Variants in RIMKLB observed in about 807,000 individuals in gnomAD.
RIMKLB encodes the protein beta-citrylglutamate synthase B.
In RIMKLB, 7 loss-of-function variants were observed where a neutral mutation model predicts 32.0. That is an observed-to-expected ratio of 0.22 (90% confidence interval 0.12 to 0.41). The LOEUF is 0.41. Among genes scored for constraint, RIMKLB ranks in the 10% least tolerant of loss-of-function variants. The pLI is 1.00. For synonymous variants in RIMKLB, 172 were observed against 185.1 expected (o/e 0.93, Z 0.57); for missense variants, 289 against 498.7 (o/e 0.58, Z 4.00).
intron 2 of RIMKLB, among the ~76,000 whole-genome samples, chr12:8,716,931 T>C (rs1388192228): frequency 6.6e-6 from 1 of 151,560 alleles, no homozygotes; most frequent in Non-Finnish European, 1.5e-5. Context: ...TTTTATCATC[T>C]TAATATTGTT....
At chr12:8,709,793 A>G (rs1484244958) in intron 1 of RIMKLB, among the ~76,000 whole-genome samples, 1 of 152,218 alleles carries the variant, frequency 6.6e-6, no homozygotes, top group Non-Finnish European at 1.5e-5. Context: ...TATTGTTATA[A>G]TTGTTCTATT....
chr12:8,726,297 A>G lies in RIMKLB; in HGVS notation c.175+12256A>G, dbSNP rs138751862. Reference sequence around the variant, plus strand: ...TTAAAATGTGCAGTTACCTGAAGACATGACATGAAGCACTTTTTCGTATAC... The same window carrying G: ...TTAAAATGTGCAGTTACCTGAAGACGTGACATGAAGCACTTTTTCGTATAC... On this transcript the variant is annotated intron_variant, in intron 2 of 5. Coordinates refer to ENST00000535829, the MANE Select transcript of RIMKLB (RefSeq NM_001297776.2). Among the ~76,000 whole-genome samples the G allele has an allele frequency of 2.3e-3, 357 of 152,364 alleles. 4 individuals are homozygous for G. Among genetic ancestry groups the G allele is most frequent in the African/African-American group, 8.3e-3 (345 of 41,592 alleles).
chr12:8,723,087 C>A (rs775133861), intron 2 of RIMKLB, among the ~76,000 whole-genome samples: 1 of 152,326 alleles, frequency 6.6e-6, no homozygotes, highest in East Asian at 1.9e-4. Context: ...TTTGCATATA[C>A]AACTTGTCTA....
intron 1 of RIMKLB, among the ~76,000 whole-genome samples, chr12:8,685,543 T>C (rs773577350): frequency 6.0e-5 from 9 of 150,572 alleles, no homozygotes; most frequent in African/African-American, 2.0e-4. Flanking sequence ...TAATTCTTTT[T>C]ATTAAATTGT....
intron 2 of RIMKLB, among the ~76,000 whole-genome samples, chr12:8,720,128 C>T (rs1192853632): frequency 3.3e-5 from 5 of 152,042 alleles, no homozygotes; most frequent in South Asian, 2.1e-4. Flanking sequence ...GGATAGAGTC[C>T]GGATTTGAGC....
At chr12:8,742,276 A>G (rs1947628614) in intron 2 of RIMKLB, among the ~76,000 whole-genome samples, 1 of 151,972 alleles carries the variant, frequency 6.6e-6, no homozygotes, top group South Asian at 2.1e-4. Flanking sequence ...TAAAAAGTAG[A>G]AGGGAAAGCA....
chr12:8,670,846 C>T, the RIMKLB span, among the ~76,000 whole-genome samples: 1 of 152,248 alleles, frequency 6.6e-6, no homozygotes, highest in Non-Finnish European at 1.5e-5. Flanking sequence ...CAGGCATTTC[C>T]ATACATCTTC....
intron 2 of RIMKLB, among the ~76,000 whole-genome samples, chr12:8,743,530 C>T (rs1947782973): frequency 7.0e-6 from 1 of 142,268 alleles, no homozygotes; most frequent in South Asian, 2.1e-4. Context: ...AAACTGTCCA[C>T]TAGTACTTAC....
At chr12:8,725,931 T>G (rs1275102451) in intron 2 of RIMKLB, among the ~76,000 whole-genome samples, 1 of 152,226 alleles carries the variant, frequency 6.6e-6, no homozygotes, top group Non-Finnish European at 1.5e-5. Flanking sequence ...CACTGCAACC[T>G]CCGCCTTCCA....
chr12:8,725,882 G>C (rs987458757), intron 2 of RIMKLB, among the ~76,000 whole-genome samples: 1 of 151,748 alleles, frequency 6.6e-6, no homozygotes, highest in Middle Eastern at 3.4e-3. Flanking sequence ...AGGTCTCACT[G>C]TGTCACCCAG....
At chr12:8,733,825 A>T (rs1023955946) in intron 2 of RIMKLB, among the ~76,000 whole-genome samples, 23 of 152,204 alleles carry the variant, frequency 1.5e-4, no homozygotes, top group Admixed American at 6.5e-4. Flanking sequence ...TGGAGGCTGA[A>T]GTGAGCTATG....
At chr12:8,768,383 C>T (rs1053421589) in intron 5 of RIMKLB, among the ~76,000 whole-genome samples, 7 of 152,130 alleles carry the variant, frequency 4.6e-5, no homozygotes, top group East Asian at 1.9e-4. Flanking sequence ...GTAACAAACA[C>T]GGACCACAAG....
upstream of RIMKLB, among the ~76,000 whole-genome samples, chr12:8,692,766 G>GT (rs1942768958): frequency 6.6e-6 from 1 of 152,214 alleles, no homozygotes; most frequent in Non-Finnish European, 1.5e-5. Context: ...CTAGATCAGT[G>GT]TTTAGCTATT....
intron 1 of RIMKLB, among the ~76,000 whole-genome samples, chr12:8,711,171 T>C (rs995523205): frequency 1.8e-4 from 28 of 151,804 alleles, no homozygotes; most frequent in African/African-American, 6.5e-4. Flanking sequence ...GAGACAGAAG[T>C]TGCAGTGAGC....
chr12:8,711,438 G>A (rs537641648), intron 1 of RIMKLB, among the ~76,000 whole-genome samples: 6 of 152,110 alleles, frequency 3.9e-5, no homozygotes, highest in Admixed American at 2.0e-4. Flanking sequence ...AGTTTCAAGA[G>A]CCGAGTGTCA....
chr12:8,741,356 C>T (rs889581190), intron 2 of RIMKLB, among the ~76,000 whole-genome samples: 10 of 149,436 alleles, frequency 6.7e-5, no homozygotes, highest in Admixed American at 2.0e-4. Context: ...CCAGCCTGGG[C>T]GACAGAGCAA....
intron 1 of RIMKLB, among the ~76,000 whole-genome samples, chr12:8,690,423 T>C (rs1942698272): frequency 6.6e-6 from 1 of 152,236 alleles, no homozygotes. Context: ...CATTGATATC[T>C]AAGTAAAACT....
At chr12:8,682,167 C>A (rs764273312) in intron 1 of RIMKLB, among the ~76,000 whole-genome samples, 2 of 152,132 alleles carry the variant, frequency 1.3e-5, no homozygotes, top group Non-Finnish European at 2.9e-5. Flanking sequence ...TTAAAAAACA[C>A]ATAAAATTAA....
intron 2 of RIMKLB, among the ~76,000 whole-genome samples, chr12:8,725,456 G>A (rs1463427010): frequency 6.6e-6 from 1 of 151,998 alleles, no homozygotes; most frequent in Non-Finnish European, 1.5e-5. Context: ...TTTTGTGTTT[G>A]TAGTAGAGAT....
Sources: allele counts gnomAD v4.1 joint callset (sites outside exome capture counted in the v4.1 genomes callset), GRCh38; gene constraint gnomAD v4.1.1; transcripts MANE v1.5; gene names NCBI Gene and HGNC (gene_info 2026-07-23, HGNC 2026-07-21).